Variants in GRAP2 observed in about 807,000 individuals in gnomAD.
The protein encoded by GRAP2 is GRB2 related adaptor protein 2.
In GRAP2, 31 loss-of-function variants were observed where a neutral mutation model predicts 43.5. The ratio of observed to expected loss-of-function variants is 0.71; its 90% confidence interval spans 0.54 to 0.96. The LOEUF (loss-of-function observed/expected upper bound fraction) is 0.96, where lower values mean the gene tolerates loss of function less well. Among genes scored for constraint, GRAP2 ranks in the 40% least tolerant of loss-of-function variants. The pLI, the probability that GRAP2 is intolerant of heterozygous loss-of-function variation, is 0.00. For missense variants in GRAP2, 371 were observed against 424.4 expected (o/e 0.87, Z 1.11); for synonymous variants, 156 against 164.8 (o/e 0.95, Z 0.41).
At chr22:39,895,820 A>T in the GRAP2 span, among the ~76,000 whole-genome samples, 1 of 152,248 alleles carries the variant, frequency 6.6e-6, no homozygotes, top group East Asian at 1.9e-4. Context: ...AAGGCAAACA[A>T]TGTTACGGGA....
chr22:39,961,134 TG>T (rs2067115861), intron 4 of GRAP2, among the ~76,000 whole-genome samples: 1 of 152,108 alleles, frequency 6.6e-6, no homozygotes, highest in Admixed American at 6.5e-5. Flanking sequence ...CTTATTTCTT[TG>T]TAGAGACTAG....
intron 5 of GRAP2, among the ~76,000 whole-genome samples, chr22:39,966,970 A>G (rs1427696427): frequency 2.1e-5 from 3 of 143,624 alleles, no homozygotes; most frequent in Non-Finnish European, 3.0e-5. Context: ...CTTGCCTCCC[A>G]TAAGTAAATT....
chr22:39,964,721 A>C (rs1456726775), intron 4 of GRAP2: 3 of 489,896 alleles, frequency 6.1e-6, no homozygotes, highest in Non-Finnish European at 1.1e-5. Flanking sequence ...TTTGTAAAAA[A>C]AAAAAAAAAA....
upstream of GRAP2, among the ~76,000 whole-genome samples, chr22:39,897,197 T>C (rs753022220): frequency 6.6e-6 from 1 of 152,104 alleles, no homozygotes; most frequent in Non-Finnish European, 1.5e-5. Flanking sequence ...TCTCCCACGG[T>C]CTCTCCTGTC....
intron 1 of GRAP2, among the ~76,000 whole-genome samples, chr22:39,933,126 C>T (rs1346129721): frequency 2.1e-5 from 3 of 141,622 alleles, no homozygotes; most frequent in African/African-American, 8.7e-5. Context: ...TGAAATTAGA[C>T]CCGGTGCCTT....
At chr22:39,903,123 G>T (rs1406650257) in intron 1 of GRAP2, among the ~76,000 whole-genome samples, 1 of 152,184 alleles carries the variant, frequency 6.6e-6, no homozygotes, top group African/African-American at 2.4e-5. Flanking sequence ...AGAAAAGTCT[G>T]CAATTGTTCG....
intron 1 of GRAP2, among the ~76,000 whole-genome samples, chr22:39,916,711 C>A (rs529622064): frequency 2.7e-4 from 41 of 152,330 alleles, no homozygotes; most frequent in African/African-American, 7.5e-4. Flanking sequence ...ACATTGCACC[C>A]TTACTGAAAG....
At chr22:39,967,557 G>A (rs183855059) in intron 5 of GRAP2, among the ~76,000 whole-genome samples, 25 of 152,260 alleles carry the variant, frequency 1.6e-4, no homozygotes, top group Middle Eastern at 3.4e-3. Flanking sequence ...CCAGCCCGGC[G>A]GCAGGCCTGG....
At chr22:39,963,735 T>C (rs1349718393) in intron 4 of GRAP2, among the ~76,000 whole-genome samples, 3 of 152,110 alleles carry the variant, frequency 2.0e-5, no homozygotes, top group African/African-American at 7.2e-5. Flanking sequence ...GAAACCTCCA[T>C]GGTCAGGCGC....
intron 1 of GRAP2, among the ~76,000 whole-genome samples, chr22:39,906,235 A>G (rs967768485): frequency 1.3e-5 from 2 of 152,210 alleles, no homozygotes; most frequent in East Asian, 1.9e-4. Flanking sequence ...AGATTTTACC[A>G]TAAAACGCAA....
chr22:39,968,629 A>G (rs1475706052), intron 6 of GRAP2: 2 of 320,368 alleles, frequency 6.2e-6, no homozygotes, highest in Non-Finnish European at 1.1e-5. Context: ...ACAAGAGAAA[A>G]AGGCTTAATA....
chr22:39,962,291 G>A (rs1227114080), intron 4 of GRAP2, among the ~76,000 whole-genome samples: 15 of 152,030 alleles, frequency 9.9e-5, no homozygotes, highest in Admixed American at 6.5e-4. Context: ...GTGCAGTGGC[G>A]CATGCCTGTG....
intron 1 of GRAP2, among the ~76,000 whole-genome samples, chr22:39,931,002 G>A (rs553329138): frequency 2.6e-5 from 4 of 152,244 alleles, no homozygotes; most frequent in Non-Finnish European, 4.4e-5. Flanking sequence ...AACCACTTGA[G>A]GTGTGGTTCC....
chr22:39,915,696 A>G (rs1011518958), intron 1 of GRAP2, among the ~76,000 whole-genome samples: 2 of 152,234 alleles, frequency 1.3e-5, no homozygotes, highest in African/African-American at 2.4e-5. Context: ...GGGCTGTTAC[A>G]TGGGTCAAAT....
intron 1 of GRAP2, 142 bp from the exon 2 acceptor site, chr22:39,946,951 T>C (rs1233029875): frequency 1.6e-6 from 1 of 636,088 alleles, no homozygotes; most frequent in Non-Finnish European, 2.9e-6. Context: ...AAGCCCTTGT[T>C]GTGTGCCTGA....
chr22:39,899,903 T>C (rs575869233), upstream of GRAP2, among the ~76,000 whole-genome samples: 229 of 152,168 alleles, frequency 1.5e-3, 2 homozygotes, highest in African/African-American at 5.4e-3. Flanking sequence ...AGAGAATCAC[T>C]TGTACTCGGG....
chr22:39,914,818 G>A (rs896570812), intron 1 of GRAP2, among the ~76,000 whole-genome samples: 13 of 152,122 alleles, frequency 8.5e-5, no homozygotes, highest in Admixed American at 8.5e-4. Flanking sequence ...CAGAACGTAC[G>A]TACGTCAAAT....
chr22:39,947,455 A>G (rs1024195082), intron 2 of GRAP2: 1 of 446,868 alleles, frequency 2.2e-6, no homozygotes, highest in Non-Finnish European at 4.1e-6. Flanking sequence ...GTTCTTGGCT[A>G]AGTTCTCAGG....
At chr22:39,919,413 T>C (rs1168795732) in intron 1 of GRAP2, among the ~76,000 whole-genome samples, 1 of 152,238 alleles carries the variant, frequency 6.6e-6, no homozygotes, top group East Asian at 1.9e-4. Flanking sequence ...TTTGCAGTTT[T>C]AAGGTTTCTA....
Sources: gnomAD v4.1 joint callset for allele counts (sites outside exome capture counted in the v4.1 genomes callset) on GRCh38, gnomAD v4.1.1 for gene constraint, MANE v1.5 for transcripts, NCBI Gene and HGNC (gene_info 2026-07-23, HGNC 2026-07-21) for gene names.